Variants in FAHD2A observed in about 807,000 individuals in gnomAD.
FAHD2A encodes the protein fumarylacetoacetate hydrolase domain containing 2A, also known as oxaloacetate tautomerase FAHD2A, mitochondrial.
In FAHD2A, 27 loss-of-function variants were observed where a neutral mutation model predicts 33.4. That is an observed-to-expected ratio of 0.81 (90% CI 0.60 to 1.11). The LOEUF (loss-of-function observed/expected upper bound fraction) is 1.11. Ranked by LOEUF, FAHD2A falls within the 50% of genes most tolerant of loss-of-function variation. FAHD2A has a pLI of 0.00. For missense variants in FAHD2A, 296 were observed against 395.0 expected (o/e 0.75, Z 2.12); for synonymous variants, 130 against 153.3 (o/e 0.85, Z 1.12).
At chr2:95,403,564 T>C (rs1681064511) in intron 1 of FAHD2A, among the ~76,000 whole-genome samples, 1 of 152,148 alleles carries the variant, frequency 6.6e-6, no homozygotes, top group African/African-American at 2.4e-5. Flanking sequence ...CTATGGAAGG[T>C]CCCCACTTCT....
At position 95,412,988 on chromosome 2, in the gene FAHD2A, G is replaced by A. The variant is rs372156675; in HGVS notation, c.*31G>A. 9 of 1,611,590 alleles carry A rather than the reference G, an allele frequency of 5.6e-6. No homozygotes were observed. In the African/African-American group the frequency reaches 9.4e-5, roughly 17 times the overall value. On this transcript the variant is annotated 3_prime_UTR_variant, in exon 8 of 8. Transcript: ENST00000233379. ...CCTGCACAGGCCCTGCACATAGGAT[G>A]AGGGCATCTGCTCCCACTCAGCCTA...
chr2:95,415,440 AATACTTGC>A lies in FAHD2A; in HGVS notation c.*2486_*2493del, dbSNP rs1683059862. On this transcript the variant is annotated 3_prime_UTR_variant, in exon 8 of 8. Coordinates refer to ENST00000233379, the MANE Select transcript of FAHD2A (RefSeq NM_016044.3). ...GAAATGTTAAAAAAAAAAAAAAAGC[AATACTTGC>A]ATTCTCATTAGTAGGAACATGTGAG... The A allele has an allele frequency of 6.6e-6, 1 of 152,514 alleles. No individual in the cohort carries two copies. The highest frequency in any genetic ancestry group is 6.5e-5 in the Admixed American group (1 of 15,276). The allele number at this position is 152,514 out of a possible 1,614,324, so 9.4% of individuals were successfully genotyped here.
chr2:95,404,983 GT>G (rs1287346033), intron 1 of FAHD2A, among the ~76,000 whole-genome samples: 1 of 152,244 alleles, frequency 6.6e-6, no homozygotes, highest in Non-Finnish European at 1.5e-5. Flanking sequence ...TAAGTAGGAG[GT>G]TAACAGGACC....
chr2:95,415,401 A>G lies in FAHD2A; in HGVS notation c.*2444A>G, dbSNP rs1683054006. 1 of 151,554 alleles carries G rather than the reference A, an allele frequency of 6.6e-6. No individual in the cohort carries two copies. The highest frequency in any genetic ancestry group is 2.4e-5 in the African/African-American group (1 of 41,132). The allele number at this position is 151,554 out of a possible 1,614,324, so 9.4% of individuals were successfully genotyped here. Reference sequence around the variant, plus strand: ...AACAACAACAGAACAGGGTGGAGTGAGTGGAAAGCAAATGAAATGTTAAAA... The same window carrying G: ...AACAACAACAGAACAGGGTGGAGTGGGTGGAAAGCAAATGAAATGTTAAAA... On this transcript the variant is annotated 3_prime_UTR_variant, in exon 8 of 8. Transcript: ENST00000233379.
chr2:95,411,048 C>T (rs537832044), intron 5 of FAHD2A, 22 bp downstream of exon 5: 27 of 1,613,188 alleles, frequency 1.7e-5, no homozygotes, highest in Non-Finnish European at 2.5e-6. Flanking sequence ...GTCCCTGCCC[C>T]CTTATACCTA....
chr2:95,405,634 G>A lies in FAHD2A; in HGVS notation c.76G>A (p.Asp26Asn). 6.2e-7 allele frequency: 1 copy of A among 1,614,166 alleles called. No homozygotes were observed. The highest frequency in any genetic ancestry group is 8.5e-7 in the Non-Finnish European group (1 of 1,180,016). Residue 26 changes from aspartate to asparagine, a missense_variant, in exon 2 of 8, where the codon GAC (aspartate) becomes AAC (asparagine). Physicochemically the swap from Asp to Asn is conservative, Grantham distance 23. Coordinates refer to ENST00000233379, the MANE Select transcript of FAHD2A (RefSeq NM_016044.3). ...AQKWPFQPSRDMRLVQFRAPH... is the reference protein window; with the variant it reads ...AQKWPFQPSRNMRLVQFRAPH... ...GAAGTGGCCCTTTCAACCCTCCAGAGACATGAGACTAGTGCAGTTCCGGGC... is the reference window on the plus strand; with the variant it reads ...GAAGTGGCCCTTTCAACCCTCCAGAAACATGAGACTAGTGCAGTTCCGGGC...
At chr2:95,409,965 C>T (rs1443376248) in intron 3 of FAHD2A, among the ~76,000 whole-genome samples, 2 of 152,186 alleles carry the variant, frequency 1.3e-5, no homozygotes, top group Non-Finnish European at 2.9e-5. Context: ...GTCGGGTGTA[C>T]TTACACCAAC....
intron 5 of FAHD2A, among the ~76,000 whole-genome samples, chr2:95,411,338 A>G (rs1682468788): frequency 6.6e-6 from 1 of 152,260 alleles, no homozygotes; most frequent in Admixed American, 6.5e-5. Flanking sequence ...TAAGTTGAGC[A>G]TCATGGAGCA....
At position 95,413,117 on chromosome 2, in the gene FAHD2A, C is replaced by T; in HGVS notation, c.*160C>T. The T allele has an allele frequency of 8.4e-7, 1 of 1,192,502 alleles. No individual in the cohort carries two copies. Among genetic ancestry groups the T allele is most frequent in the Non-Finnish European group, 1.2e-6 (1 of 856,860 alleles). The allele number at this position is 1,192,502 out of a possible 1,614,324, so 73.9% of individuals were successfully genotyped here. ...ACAGAGCTCTCTTCAATAAATTCGT[C>T]AGGTCAAAGCAGCAGCTTTGCTTCT... is the stretch of plus-strand genomic sequence containing the variant. On this transcript the variant is annotated 3_prime_UTR_variant, in exon 8 of 8. Coordinates refer to ENST00000233379, the MANE Select transcript of FAHD2A (RefSeq NM_016044.3).
At chr2:95,408,750 CAG>C (rs1385500142) in intron 3 of FAHD2A, among the ~76,000 whole-genome samples, 2 of 152,220 alleles carry the variant, frequency 1.3e-5, no homozygotes, top group Non-Finnish European at 2.9e-5. Context: ...GGTGGGGACA[CAG>C]AGCTAAACCA....
rs774915888 is a variant in FAHD2A, at chr2:95,412,587, A to T, written c.794+45A>T. 3.0e-5 allele frequency: 48 copies of T among 1,613,614 alleles called. No individual in the cohort carries two copies. In the East Asian group the frequency reaches 1.1e-3, roughly 36 times the overall value. On this transcript the variant is annotated intron_variant, in intron 6 of 7. Transcript: ENST00000233379. ...CTGCCAGCCCCGCTTCACCTGCCAC[A>T]CATGTGGAGGCTGACCTGAGCCCTC...
chr2:95,411,132 G>T lies in FAHD2A; in HGVS notation c.685+106G>T, dbSNP rs1168649710. 5.3e-6 allele frequency: 8 copies of T among 1,516,772 alleles called. No homozygotes were observed. In the East Asian group the frequency reaches 1.6e-4, roughly 31 times the overall value. The allele number at this position is 1,516,772 out of a possible 1,614,324, so 94.0% of individuals were successfully genotyped here. A position where few individuals can be genotyped will look rare whatever the true frequency, so the allele number is the denominator to read the frequency against. On this transcript the variant is annotated intron_variant, in intron 5 of 7. Coordinates refer to ENST00000233379, the MANE Select transcript of FAHD2A (RefSeq NM_016044.3). ...CATGTGGCACCTGCCCTCCCTGGCCGCCCTTTCACTGCTGACTCCATACAG... is the reference window on the plus strand; with the variant it reads ...CATGTGGCACCTGCCCTCCCTGGCCTCCCTTTCACTGCTGACTCCATACAG...
rs568663448 is a variant in FAHD2A, at chr2:95,412,259, T to C, written c.686-175T>C. Among the ~76,000 whole-genome samples, 4 of 152,132 alleles carry C rather than the reference T, an allele frequency of 2.6e-5. No individual in the cohort carries two copies. The South Asian group carries it at 8.3e-4, about 32-fold the overall frequency. ...CTCTTGGTGGGGATGCGGGGAGGCC[T>C]GAGAAGGCCAATGTCTATACAGAAA... On this transcript the variant is annotated intron_variant, in intron 5 of 7. Transcript: ENST00000233379.
At chr2:95,420,800 T>A (rs563760300), downstream of FAHD2A, among the ~76,000 whole-genome samples, 109 of 152,108 alleles carry the variant, frequency 7.2e-4, 1 homozygote, top group Middle Eastern at 6.8e-3. Context: ...TATGACCCCA[T>A]AACCTTAAGG....
At position 95,411,025 on chromosome 2, in the gene FAHD2A, A is replaced by G. The variant is rs1159761937; in HGVS notation, c.684A>G (p.Ala228=). ...CCTTGGTGACCAAGGACAGTGTAGC[A>G]GGTAGGTCCCTGGTCCCTGCCCCCT... ...GPALVTKDSV[A]DPHNLKICCR... Residue 228 remains alanine (A), a splice_region_variant and synonymous_variant, in exon 5 of 8, where the codon GCA becomes GCG. Transcript: ENST00000233379. 11 of 1,613,952 alleles carry G rather than the reference A, an allele frequency of 6.8e-6. No individual in the cohort carries two copies. Among genetic ancestry groups the G allele is most frequent in the African/African-American group, 1.3e-5 (1 of 75,056 alleles).
intron 3 of FAHD2A, among the ~76,000 whole-genome samples, chr2:95,410,312 C>A (rs1682259018): frequency 6.6e-6 from 1 of 152,210 alleles, no homozygotes; most frequent in African/African-American, 2.4e-5. Context: ...GCCTGCATCC[C>A]ATGATGCTGT....
chr2:95,413,156 T>G lies in FAHD2A; in HGVS notation c.*199T>G, dbSNP rs1394794171. 11 of 1,081,646 alleles carry G rather than the reference T, an allele frequency of 1.0e-5. No homozygotes were observed. The highest frequency in any genetic ancestry group is 2.8e-5 in the Admixed American group (1 of 35,726). 67.0% of individuals were successfully genotyped at this position (1,081,646 alleles called of 1,614,324 possible). ...AGCTTTGCTTCTGCTGTTTGTCTTC[T>G]TTTGGGCTTTGTTTCATGGGACAAG... On this transcript the variant is annotated 3_prime_UTR_variant, in exon 8 of 8. Transcript: ENST00000233379.
chr2:95,418,789 G>A (rs532152123), downstream of FAHD2A, among the ~76,000 whole-genome samples: 15 of 152,040 alleles, frequency 9.9e-5, no homozygotes, highest in Admixed American at 5.9e-4. Context: ...ACATTAAGGC[G>A]GTCTTATGGG....
chr2:95,412,337 GC>G (rs552157611), intron 5 of FAHD2A, 96 bp from the exon 6 acceptor site: 2 of 1,452,926 alleles, frequency 1.4e-6, no homozygotes, highest in Admixed American at 3.7e-5. Flanking sequence ...CCTTTCACCT[GC>G]CAAGTCACGA....
Sources: gnomAD v4.1 joint callset for allele counts (sites outside exome capture counted in the v4.1 genomes callset) on GRCh38, gnomAD v4.1.1 for gene constraint, MANE v1.5 for transcripts, NCBI Gene and HGNC (gene_info 2026-07-23, HGNC 2026-07-21) for gene names.